SLC6A9: variants seen among roughly 807,000 people sequenced by gnomAD.
SLC6A9 encodes sodium- and chloride-dependent glycine transporter 1.
A neutral mutation model predicts 70.9 loss-of-function variants in SLC6A9; 31 were observed. The ratio of observed to expected loss-of-function variants is 0.44; its 90% CI spans 0.33 to 0.59. SLC6A9 has a LOEUF of 0.59. Ranked by LOEUF, SLC6A9 falls within the 20% of genes least tolerant of loss-of-function variation. SLC6A9 has a pLI of 0.04. For synonymous variants in SLC6A9, 310 were observed against 341.3 expected, an observed-to-expected ratio of 0.91 and a Z score of 1.01; for missense variants, 631 against 845.2, an observed-to-expected ratio of 0.75 and a Z score of 3.14.
Position 43,997,570 on chromosome 1 carries a change from C to T in SLC6A9, c.1877G>A (p.Ser626Asn). 1 of 1,613,594 alleles carries T rather than the reference C, an allele frequency of 6.2e-7. No homozygotes were observed. The highest frequency in any genetic ancestry group is 8.5e-7 in the Non-Finnish European group (1 of 1,179,946). ...TCATATCCGGGAGTCCTGGAGGCGG[C>T]TGGAGCCATTACTGCCCACAATGGG... ...QIPIVGSNGS[S>N]RLQDSRI The change falls in exon 14 of 14, where the codon AGC (serine) becomes AAC (asparagine). Residue 626 changes from serine (S) to asparagine (N), a missense_variant. Coordinates refer to ENST00000372310, the MANE Select transcript of SLC6A9 (RefSeq NM_001024845.3). This position sits in a 1 kb window ranked among gnomAD's most constrained non-coding sequence, Gnocchi z 4.4.
At position 44,004,000 on chromosome 1, in the gene SLC6A9, AT is replaced by A. The variant is rs879323623; in HGVS notation, c.591-1016del. ...AAAGAAACCATTTCTTGTTTGAAGG[AT>A]TTTTTTTTTTTTTGACACAGTCTTG... On this transcript the variant is annotated intron_variant, in intron 5 of 13. Transcript: ENST00000372310. Among the ~76,000 whole-genome samples, 544 of 144,524 alleles carry A rather than the reference AT, an allele frequency of 3.8e-3. 1 individual carries two copies. Among genetic ancestry groups the A allele is most frequent in the Middle Eastern group, 3.6e-3 (1 of 274 alleles). The allele number at this position is 144,524 out of a possible 152,430, so 94.8% of individuals were successfully genotyped here.
At chr1:44,014,040 T>G (rs951647044) in intron 2 of SLC6A9, among the ~76,000 whole-genome samples, 1 of 152,132 alleles carries the variant, frequency 6.6e-6, no homozygotes, top group African/African-American at 2.4e-5. Flanking sequence ...GCTCACGATT[T>G]GACTCAGACT....
rs2085904741 is a variant in SLC6A9 at position 43,997,487 on chromosome 1, C to T, written c.*58G>A. On this transcript the variant is annotated 3_prime_UTR_variant, in exon 14 of 14. Coordinates refer to ENST00000372310, the MANE Select transcript of SLC6A9 (RefSeq NM_001024845.3). The surrounding 1 kb of genome is among the most constrained non-coding windows in gnomAD (Gnocchi z 4.4). ...GCAGAGACACCTGGCCTCTGCCTCA[C>T]CAGTCTCTGCGGTGGGAGCACGGGG... 3 of 1,510,720 alleles carry T rather than the reference C, an allele frequency of 2.0e-6. No individual in the cohort carries two copies. The highest frequency in any genetic ancestry group is 2.7e-6 in the Non-Finnish European group (3 of 1,095,900). The allele number at this position is 1,510,720 out of a possible 1,614,324, so 93.6% of individuals were successfully genotyped here.
chr1:44,010,230 G>A (rs2086496716), intron 3 of SLC6A9, 134 bp from the exon 4 acceptor site: 2 of 894,150 alleles, frequency 2.2e-6, no homozygotes, highest in Non-Finnish European at 3.4e-6. Flanking sequence ...GCTTGAGCAG[G>A]AGCCTGGGCT....
intron 1 of SLC6A9, 120 bp downstream of exon 1, chr1:44,031,166 TCACACACACACACACACACA>T (rs66939562): frequency 5.4e-5 from 8 of 148,292 alleles, no homozygotes; most frequent in African/African-American, 2.0e-4. Context: ...ACATGCGCGA[TCACACACACACACACACACA>T]CACACACACA....
Position 44,010,809 on chromosome 1 carries a change from T to C in SLC6A9, c.104A>G (p.Glu35Gly). The C allele has an allele frequency of 6.2e-7, 1 of 1,614,114 alleles. No individual in the cohort carries two copies. The highest frequency in any genetic ancestry group is 8.5e-7 in the Non-Finnish European group (1 of 1,180,010). Residue 35 changes from glutamate (E) to glycine (G), a missense_variant, in exon 3 of 14, where the codon GAG (glutamate) becomes GGG (glycine). Transcript: ENST00000372310. ...ATAGCCCACGCTCGTCAGTACAAAC[T>C]CGATCTGGTTGCCCCAGTTGCCCCG... ...LKRGNWGNQI[E>G]FVLTSVGYAV...
chr1:44,011,636 G>A (rs2086574888), intron 2 of SLC6A9: 1 of 1,614,114 alleles, frequency 6.2e-7, no homozygotes, highest in Middle Eastern at 1.6e-4. Flanking sequence ...GCCAGACTTT[G>A]AGGACAGACT....
rs1449363974 is a variant in SLC6A9 at position 44,013,989 on chromosome 1, A to C, written c.31-3107T>G. On this transcript the variant is annotated intron_variant, in intron 2 of 13. Coordinates refer to ENST00000372310, the MANE Select transcript of SLC6A9 (RefSeq NM_001024845.3). The surrounding 1 kb of genome is among the most constrained non-coding windows in gnomAD (Gnocchi z 5.3). ...TGTCACTGATATGAACTGTCCCTGC[A>C]GTGGTCATCAGCTGAGGTACCCACG... 6.6e-6 allele frequency among the ~76,000 whole-genome samples: 1 copy of C among 151,986 alleles called. No homozygotes were observed. Among genetic ancestry groups the C allele is most frequent in the Non-Finnish European group, 1.5e-5 (1 of 67,990 alleles).
intron 5 of SLC6A9, among the ~76,000 whole-genome samples, chr1:44,008,120 G>A (rs1360078339): frequency 1.3e-5 from 2 of 151,958 alleles, no homozygotes; most frequent in South Asian, 4.1e-4. Context: ...TGCCCGCCTC[G>A]GCCTCCCAAA....
At position 44,014,254 on chromosome 1, in the gene SLC6A9, T is replaced by G. The variant is rs955000975; in HGVS notation, c.31-3372A>C. Among the ~76,000 whole-genome samples, 7 of 152,110 alleles carry G rather than the reference T, an allele frequency of 4.6e-5. No individual in the cohort carries two copies. The South Asian group carries it at 1.5e-3, about 32-fold the overall frequency. On this transcript the variant is annotated intron_variant, in intron 2 of 13. Coordinates refer to ENST00000372310, the MANE Select transcript of SLC6A9 (RefSeq NM_001024845.3). ...CTGCAGGCTCCCTAGGCAGCCCCTA[T>G]GTGCCCTGTCACCCTTCCTGGCAGC...
chr1:44,014,151 C>T (rs2086664435), intron 2 of SLC6A9, among the ~76,000 whole-genome samples: 1 of 152,102 alleles, frequency 6.6e-6, no homozygotes, highest in Non-Finnish European at 1.5e-5. Flanking sequence ...CCCCTCTGCT[C>T]ACCCTCACTC....
chr1:44,008,341 C>A lies in SLC6A9; in HGVS notation c.590+12G>T. On this transcript the variant is annotated intron_variant, in intron 5 of 13. Transcript: ENST00000372310. ...CAGGTTCCCCCCACCCCAGGTCCTGCAGGTGCCTCACCTCCAGTACTCCTC... is the reference window on the plus strand; with the variant it reads ...CAGGTTCCCCCCACCCCAGGTCCTGAAGGTGCCTCACCTCCAGTACTCCTC... The A allele has an allele frequency of 6.2e-7, 1 of 1,612,336 alleles. No individual in the cohort carries two copies. Among genetic ancestry groups the A allele is most frequent in the Non-Finnish European group, 8.5e-7 (1 of 1,178,570 alleles).
chr1:44,019,589 C>T (rs1347284899), intron 2 of SLC6A9, among the ~76,000 whole-genome samples: 1 of 152,264 alleles, frequency 6.6e-6, no homozygotes, highest in Non-Finnish European at 1.5e-5. Context: ...GCTGCCCTGG[C>T]CTGGGCCGGG....
Position 43,997,754 on chromosome 1 carries a change from C to G in SLC6A9, c.1708-15G>C. 1 of 1,601,296 alleles carries G rather than the reference C, an allele frequency of 6.2e-7. No individual in the cohort carries two copies. Among genetic ancestry groups the G allele is most frequent in the Non-Finnish European group, 8.5e-7 (1 of 1,173,086 alleles). On this transcript the variant is annotated splice_polypyrimidine_tract_variant and intron_variant, in intron 13 of 13. Coordinates refer to ENST00000372310, the MANE Select transcript of SLC6A9 (RefSeq NM_001024845.3). This position sits in a 1 kb window ranked among gnomAD's most constrained non-coding sequence, Gnocchi z 4.4. ...TTTTTCAAACGCTGCATGAGGTAGG[C>G]ATGGGGCACAGGGGCAGGGCACGTC...
intron 5 of SLC6A9, 105 bp downstream of exon 5, chr1:44,008,248 G>T: frequency 9.0e-7 from 1 of 1,105,384 alleles, no homozygotes; most frequent in African/African-American, 1.5e-5. Context: ...GCCCAGCAGC[G>T]GGCTGAACCT....
rs1158847561 is a variant in SLC6A9 at position 43,997,887 on chromosome 1, G to A, written c.1675C>T (p.Leu559Phe). ...AGGGTGTCCCCGTCTGTGCGGCAGAGCCGGAACATGGCGTAGAGGGGGATG... is the reference window on the plus strand; with the variant it reads ...AGGGTGTCCCCGTCTGTGCGGCAGAACCGGAACATGGCGTAGAGGGGGATG... Reference protein sequence around the residue: ...LCIPLYAMFRLCRTDGDTLLQ... With the variant: ...LCIPLYAMFRFCRTDGDTLLQ... The change falls in exon 13 of 14, where the codon CTC becomes TTC. Residue 559 changes from leucine to phenylalanine, a missense_variant. Leu to Phe is a conservative substitution (Grantham distance 22). Transcript: ENST00000372310. The surrounding 1 kb of genome is among the most constrained non-coding windows in gnomAD (Gnocchi z 4.4). 1 of 1,613,802 alleles carries A rather than the reference G, an allele frequency of 6.2e-7. No homozygotes were observed. Among genetic ancestry groups the A allele is most frequent in the Admixed American group, 1.7e-5 (1 of 59,974 alleles).
intron 2 of SLC6A9, among the ~76,000 whole-genome samples, chr1:44,019,693 T>C (rs940777029): frequency 1.5e-4 from 23 of 152,382 alleles, no homozygotes; most frequent in Middle Eastern, 3.4e-3. Flanking sequence ...CTGGCCGTAA[T>C]GAGGCCTCAT....
Position 44,018,858 on chromosome 1 carries a change from C to T in SLC6A9, c.30+5390G>A, listed in dbSNP as rs542283169. Among the ~76,000 whole-genome samples the T allele has an allele frequency of 4.6e-5, 7 of 152,014 alleles. No homozygotes were observed. The South Asian group carries it at 1.2e-3, about 27-fold the overall frequency. On this transcript the variant is annotated intron_variant, in intron 2 of 13. Coordinates refer to ENST00000372310, the MANE Select transcript of SLC6A9 (RefSeq NM_001024845.3). The surrounding 1 kb of genome is among the most constrained non-coding windows in gnomAD (Gnocchi z 4.2). ...GGAGGGAGTTTTGCTTGAGCCCAGA[C>T]GTTGGAAGTTGTAGTGAGCTATGAT... is the stretch of plus-strand genomic sequence containing the variant.
intron 4 of SLC6A9, 62 bp downstream of exon 4, chr1:44,009,903 C>T (rs1438438758): frequency 2.1e-5 from 33 of 1,577,128 alleles, no homozygotes; most frequent in African/African-American, 6.8e-5. Context: ...CGAGTTGGCA[C>T]GGCCCTCAGA....
Sources: allele counts gnomAD v4.1 joint callset (sites outside exome capture counted in the v4.1 genomes callset), GRCh38; gene constraint gnomAD v4.1.1; non-coding constraint Gnocchi (gnomAD v3.1); transcripts MANE v1.5; gene names NCBI Gene and HGNC (gene_info 2026-07-23, HGNC 2026-07-21).